The following INPP5B variants were observed in gnomAD, a reference collection of about 807,000 sequenced individuals.
INPP5B encodes inositol polyphosphate-5-phosphatase B, also known as type II inositol 1,4,5-trisphosphate 5-phosphatase.
In INPP5B, 90 loss-of-function variants were observed where a neutral mutation model predicts 118.5. The ratio of observed to expected loss-of-function variants is 0.76; its 90% CI spans 0.64 to 0.90. The LOEUF is 0.90. INPP5B is among the 40% of genes least tolerant of loss of function. INPP5B has a pLI of 0.00. For synonymous variants in INPP5B, 385 were observed against 418.9 expected (o/e 0.92, Z 0.99); for missense variants, 984 against 1,125.6 (o/e 0.87, Z 1.80).
chr1:37,873,593 G>A (rs767866962), intron 18 of INPP5B, among the ~76,000 whole-genome samples: 1 of 152,180 alleles, frequency 6.6e-6, no homozygotes, highest in Non-Finnish European at 1.5e-5. Flanking sequence ...CATGCAGAGT[G>A]CGAAGGAGAA....
chr1:37,880,118 T>C lies in INPP5B; in HGVS notation c.1508A>G (p.Lys503Arg). ...CCAGTCGTCAGAGCCCGTATCATACTTGTAAGTAGGCTGGAATGTGAGCTC... is the reference window on the plus strand; with the variant it reads ...CCAGTCGTCAGAGCCCGTATCATACCTGTAAGTAGGCTGGAATGTGAGCTC... ...EGELTFQPTY[K>R]YDTGSDDWDT... is the part of the protein sequence containing the mutation. Residue 503 changes from lysine (K) to arginine (R), a missense_variant, in exon 15 of 24, where the codon AAG (lysine) becomes AGG (arginine). Transcript: ENST00000373024. 6.2e-7 allele frequency: 1 copy of C among 1,611,860 alleles called. No individual in the cohort carries two copies. Among genetic ancestry groups the C allele is most frequent in the Non-Finnish European group, 8.5e-7 (1 of 1,178,328 alleles).
chr1:37,878,509 AAAC>A, intron 15 of INPP5B, 186 bp from the exon 16 acceptor site: 1 of 985,376 alleles, frequency 1.0e-6, no homozygotes, highest in Non-Finnish European at 1.2e-6. Context: ...GTATCATCCA[AAAC>A]AACCATGAAA....
chr1:37,879,839 G>A (rs922276346), intron 15 of INPP5B, among the ~76,000 whole-genome samples: 1 of 152,106 alleles, frequency 6.6e-6, no homozygotes, highest in Non-Finnish European at 1.5e-5. Flanking sequence ...TCTCATCCTA[G>A]GCACAGCTAA....
At chr1:37,865,444 G>A (rs1189128276) in intron 22 of INPP5B, among the ~76,000 whole-genome samples, 1 of 152,156 alleles carries the variant, frequency 6.6e-6, no homozygotes, top group African/African-American at 2.4e-5. Flanking sequence ...GAAGGAGATC[G>A]TGAATGCAGG....
At position 37,931,892 on chromosome 1, in the gene INPP5B, T is replaced by C. The variant is rs1286685543; in HGVS notation, c.532+21A>G. On this transcript the variant is annotated intron_variant, in intron 7 of 23. Transcript: ENST00000373024. The stretch of plus-strand genomic sequence containing the variant: ...CGGGCCTCCTCCAATCCCCACCGTT[T>C]CTTCCGGGACGGATACCTGCCTCCG... The C allele has an allele frequency of 2.5e-6, 4 of 1,613,746 alleles. No homozygotes were observed. In the African/African-American group the frequency reaches 4.0e-5, roughly 16 times the overall value.
At chr1:37,867,206 G>A (rs981285191) in intron 20 of INPP5B, among the ~76,000 whole-genome samples, 1 of 152,184 alleles carries the variant, frequency 6.6e-6, no homozygotes, top group Non-Finnish European at 1.5e-5. Context: ...ACCCCAGCTT[G>A]GTGACAGAGC....
chr1:37,923,403 C>T lies in INPP5B; in HGVS notation c.532+8510G>A, dbSNP rs1484844147. Among the ~76,000 whole-genome samples the T allele has an allele frequency of 2.0e-5, 3 of 152,272 alleles. No homozygotes were observed. The East Asian group carries it at 5.8e-4, about 29-fold the overall frequency. ...AGAAGCAGGCTGAGGTCAGGCAGTGCAGGACTTGACCACTATACTAAGGAA... is the reference window on the plus strand; with the variant it reads ...AGAAGCAGGCTGAGGTCAGGCAGTGTAGGACTTGACCACTATACTAAGGAA... On this transcript the variant is annotated intron_variant, in intron 7 of 23. Transcript: ENST00000373024.
At chr1:37,919,784 CA>C (rs1401649083) in intron 7 of INPP5B, among the ~76,000 whole-genome samples, 2 of 150,952 alleles carry the variant, frequency 1.3e-5, no homozygotes, top group African/African-American at 4.9e-5. Flanking sequence ...ACTAAAAATA[CA>C]AAAAAAAATT....
chr1:37,876,796 C>T (rs1642857560), intron 16 of INPP5B, among the ~76,000 whole-genome samples: 1 of 150,258 alleles, frequency 6.7e-6, no homozygotes, highest in African/African-American at 2.4e-5. Flanking sequence ...AGGAGAATGG[C>T]GTGAACCTGG....
intron 7 of INPP5B, among the ~76,000 whole-genome samples, chr1:37,895,533 T>G (rs1347457209): frequency 7.6e-6 from 1 of 131,954 alleles, no homozygotes; most frequent in Non-Finnish European, 1.6e-5. Context: ...TCCCTCTCCC[T>G]CTCTTTCCAC....
At position 37,888,252 on chromosome 1, in the gene INPP5B, T is replaced by C. The variant is rs1285101773; in HGVS notation, c.890A>G (p.Tyr297Cys). 3.2e-6 allele frequency: 5 copies of C among 1,568,594 alleles called. No homozygotes were observed. In the Admixed American group the frequency reaches 5.6e-5, roughly 18 times the overall value. ...GAAGAGAAGCACTCACCCTACACAA[T>C]AGACATCTGGGGCCTGGATACCATT... ...LSNGIQAPDV[Y>C]CVGFQELDLS... The change falls in exon 10 of 24, where the codon TAT (tyrosine) becomes TGT (cysteine). Residue 297 changes from tyrosine to cysteine, a missense_variant. By Grantham distance (194) the Tyr-to-Cys change is radical. Coordinates refer to ENST00000373024, the MANE Select transcript of INPP5B (RefSeq NM_005540.3).
intron 7 of INPP5B, among the ~76,000 whole-genome samples, chr1:37,895,106 T>G (rs1189313045): frequency 5.9e-5 from 9 of 152,176 alleles, no homozygotes; most frequent in Admixed American, 5.9e-4. Flanking sequence ...GTATTTGAGT[T>G]AGTAATGGTG....
At chr1:37,897,168 G>A (rs1644142944) in intron 7 of INPP5B, among the ~76,000 whole-genome samples, 1 of 151,850 alleles carries the variant, frequency 6.6e-6, no homozygotes, top group Admixed American at 6.5e-5. Flanking sequence ...GGGCGCCTCT[G>A]CCTGGCCGCG....
At chr1:37,942,777 C>T (rs934373777) in intron 5 of INPP5B, among the ~76,000 whole-genome samples, 11 of 151,848 alleles carry the variant, frequency 7.2e-5, no homozygotes, top group Admixed American at 1.3e-4. Context: ...GGCATGGTGG[C>T]GGGTGCCTGT....
Position 37,867,049 on chromosome 1 carries a change from C to T in INPP5B, c.2302-506G>A, listed in dbSNP as rs148846331. 5.1e-3 allele frequency among the ~76,000 whole-genome samples: 778 copies of T among 152,152 alleles called. 2 individuals carry two copies. The highest frequency in any genetic ancestry group is 7.6e-3 in the Non-Finnish European group (516 of 67,996). ...GAGATTGAGACCATCCTGGCCAACA[C>T]GGTGAAACCCCGTCTTTAATAAAAA... On this transcript the variant is annotated intron_variant, in intron 20 of 23. Transcript: ENST00000373024.
At chr1:37,900,332 G>A (rs1346364531) in intron 7 of INPP5B, among the ~76,000 whole-genome samples, 1 of 151,024 alleles carries the variant, frequency 6.6e-6, no homozygotes, top group Non-Finnish European at 1.5e-5. Flanking sequence ...TCAACTCACT[G>A]CAACCTCCGC....
At chr1:37,929,580 A>AT (rs1645369770) in intron 7 of INPP5B, 1 of 152,122 alleles carries the variant, frequency 6.6e-6, no homozygotes, top group Admixed American at 6.6e-5. Context: ...CCTACCTGTT[A>AT]TAGAAGATGT....
At chr1:37,931,855 GC>G (rs756926593) in intron 7 of INPP5B, 57 bp downstream of exon 7, 53 of 1,611,754 alleles carry the variant, frequency 3.3e-5, no homozygotes, top group Non-Finnish European at 4.4e-5. Context: ...AACGGAGCCC[GC>G]CCCCTGTGGC....
intron 20 of INPP5B, among the ~76,000 whole-genome samples, chr1:37,868,021 G>A (rs1307869986): frequency 6.6e-6 from 1 of 152,140 alleles, no homozygotes; most frequent in Non-Finnish European, 1.5e-5. Context: ...TCCCTTGGGG[G>A]TAATCAGGTA....
Sources: allele counts gnomAD v4.1 joint callset (sites outside exome capture counted in the v4.1 genomes callset), GRCh38; gene constraint gnomAD v4.1.1; transcripts MANE v1.5; gene names NCBI Gene and HGNC (gene_info 2026-07-23, HGNC 2026-07-21).